Variants in CACNG2 observed in about 807,000 individuals in gnomAD.
CACNG2 encodes the protein calcium voltage-gated channel auxiliary subunit gamma 2.
In CACNG2, 3 loss-of-function variants were observed where a neutral mutation model predicts 25.9. The ratio of observed to expected loss-of-function variants is 0.12; its 90% CI spans 0.05 to 0.30. The LOEUF is 0.30. Ranked by LOEUF, CACNG2 falls within the 10% of genes least tolerant of loss-of-function variation. The pLI is 1.00. For synonymous variants in CACNG2, 167 were observed against 173.3 expected (o/e 0.96, Z 0.29); for missense variants, 341 against 432.5 (o/e 0.79, Z 1.88).
At chr22:36,574,487 A>G (rs1209109769) in intron 2 of CACNG2, among the ~76,000 whole-genome samples, 1 of 152,064 alleles carries the variant, frequency 6.6e-6, no homozygotes, top group African/African-American at 2.4e-5. Context: ...GTGAGTAGAG[A>G]GTAGGGGAGG....
In CACNG2 at chr22:36,564,741, C is replaced by T; in HGVS notation, c.582G>A (p.Gly194=). ...CGATAAACATGTGCACCGCCAGCAC[C>T]CCGACCATCTCGGCGATGATGAAGG... The part of the protein sequence containing the change: ...ALSFIIAEMV[G]VLAVHMFIDR... Residue 194 remains glycine, a synonymous_variant, in exon 4 of 4, where the codon GGG becomes GGA. Transcript: ENST00000300105. The surrounding 1 kb of genome is among the most constrained non-coding windows in gnomAD (Gnocchi z 6.7). The T allele has an allele frequency of 5.0e-6, 8 of 1,614,196 alleles. No homozygotes were observed. The highest frequency in any genetic ancestry group is 6.8e-6 in the Non-Finnish European group (8 of 1,180,040).
chr22:36,575,181 G>A (rs1230172607), intron 2 of CACNG2, among the ~76,000 whole-genome samples: 2 of 152,356 alleles, frequency 1.3e-5, no homozygotes, highest in South Asian at 2.1e-4. Context: ...GAATGTGGAC[G>A]CTTTAGAAAA....
chr22:36,627,279 CGTGTGTGT>C (rs58015913), intron 1 of CACNG2, among the ~76,000 whole-genome samples: 56 of 131,226 alleles, frequency 4.3e-4, no homozygotes, highest in African/African-American at 1.2e-3. Context: ...AGAGTGGGGA[CGTGTGTGT>C]GTGTGTGTGT....
chr22:36,613,304 T>C (rs755047165), intron 1 of CACNG2, among the ~76,000 whole-genome samples: 4 of 152,080 alleles, frequency 2.6e-5, no homozygotes, highest in Non-Finnish European at 5.9e-5. Context: ...CAGGGAGTAA[T>C]GAAAAAGCAA....
intron 3 of CACNG2, 127 bp downstream of exon 3, chr22:36,566,226 G>C (rs910610771): frequency 8.3e-6 from 8 of 967,312 alleles, no homozygotes; most frequent in Non-Finnish European, 1.3e-5. Flanking sequence ...CCTGCAACAC[G>C]ACCTAGTGCA....
intron 1 of CACNG2, among the ~76,000 whole-genome samples, chr22:36,677,651 A>G (rs1937036862): frequency 2.0e-5 from 3 of 152,210 alleles, no homozygotes; most frequent in Non-Finnish European, 4.4e-5. Flanking sequence ...TCACGAGTGT[A>G]TGCTTCAACA....
At chr22:36,579,060 C>T (rs894515585) in intron 2 of CACNG2, among the ~76,000 whole-genome samples, 13 of 152,164 alleles carry the variant, frequency 8.5e-5, no homozygotes, top group African/African-American at 2.9e-4. Context: ...CAGAACTCCT[C>T]GCCATCCACA....
At chr22:36,639,306 G>A (rs1391970412) in intron 1 of CACNG2, among the ~76,000 whole-genome samples, 8 of 152,168 alleles carry the variant, frequency 5.3e-5, no homozygotes, top group African/African-American at 1.7e-4. Context: ...TACTCAAAAG[G>A]GGCATAAAGG....
chr22:36,643,474 G>GTCTGTCTGTCTGTCTA (rs561518849), intron 1 of CACNG2, among the ~76,000 whole-genome samples: 45 of 149,244 alleles, frequency 3.0e-4, no homozygotes, highest in Admixed American at 7.3e-4. Context: ...CTATCTGTCT[G>GTCTGTCTGTCTGTCTA]TCTATCTATC....
intron 1 of CACNG2, among the ~76,000 whole-genome samples, chr22:36,611,693 G>T (rs1935942813): frequency 6.6e-6 from 1 of 152,196 alleles, no homozygotes; most frequent in Non-Finnish European, 1.5e-5. Context: ...AGCAACTAAA[G>T]TGTGGGAGTC....
chr22:36,627,475 A>C (rs1936201758), intron 1 of CACNG2, among the ~76,000 whole-genome samples: 1 of 152,172 alleles, frequency 6.6e-6, no homozygotes, highest in Non-Finnish European at 1.5e-5. Context: ...GGAACAATCA[A>C]GAAAGCAAAA....
intron 1 of CACNG2, among the ~76,000 whole-genome samples, chr22:36,592,028 T>C (rs191543565): frequency 7.9e-5 from 12 of 151,894 alleles, no homozygotes; most frequent in African/African-American, 2.9e-4. Context: ...GGCTTGAAGG[T>C]CACTTCTGAG....
intron 1 of CACNG2, among the ~76,000 whole-genome samples, chr22:36,613,613 C>G (rs889704744): frequency 6.6e-6 from 1 of 152,100 alleles, no homozygotes; most frequent in African/African-American, 2.4e-5. Context: ...GCTGTCTTCT[C>G]TTTTCATTCT....
At chr22:36,680,736 TCAC>T (rs1937109525) in intron 1 of CACNG2, among the ~76,000 whole-genome samples, 2 of 24,560 alleles carry the variant, frequency 8.1e-5, no homozygotes, top group Non-Finnish European at 8.4e-5. Context: ...ACCATCACCA[TCAC>T]CACCACCACT....
At chr22:36,588,595 T>A (rs142125241) in intron 1 of CACNG2, among the ~76,000 whole-genome samples, 99 of 152,318 alleles carry the variant, frequency 6.5e-4, no homozygotes, top group African/African-American at 2.3e-3. Flanking sequence ...TGCTGGGGCG[T>A]ATGCACAGTG....
At chr22:36,656,551 C>T (rs563795445) in intron 1 of CACNG2, among the ~76,000 whole-genome samples, 5 of 152,176 alleles carry the variant, frequency 3.3e-5, no homozygotes, top group Non-Finnish European at 5.9e-5. Flanking sequence ...GCTTTCACCC[C>T]AGCCCCTACA....
chr22:36,654,215 T>C (rs1335723358), intron 1 of CACNG2, among the ~76,000 whole-genome samples: 7 of 152,058 alleles, frequency 4.6e-5, no homozygotes, highest in African/African-American at 1.7e-4. Flanking sequence ...TCAATCTGTT[T>C]GTACTAAGAA....
At chr22:36,590,222 G>A (rs532521359) in intron 1 of CACNG2, among the ~76,000 whole-genome samples, 57 of 152,284 alleles carry the variant, frequency 3.7e-4, no homozygotes, top group African/African-American at 1.2e-3. Flanking sequence ...GGCTCCTAGC[G>A]CAGTGCCTGG....
At chr22:36,617,916 C>T (rs1391404698) in intron 1 of CACNG2, among the ~76,000 whole-genome samples, 1 of 152,104 alleles carries the variant, frequency 6.6e-6, no homozygotes, top group South Asian at 2.1e-4. Flanking sequence ...AAAAGTCCTA[C>T]ACGTTTTAGC....
Sources: allele counts gnomAD v4.1 joint callset (sites outside exome capture counted in the v4.1 genomes callset), GRCh38; gene constraint gnomAD v4.1.1; non-coding constraint Gnocchi (gnomAD v3.1); transcripts MANE v1.5; gene names NCBI Gene and HGNC (gene_info 2026-07-23, HGNC 2026-07-21).